The following SORL1 variants were observed in gnomAD, a reference collection of about 807,000 sequenced individuals.
SORL1 encodes the protein sortilin-related receptor.
SORL1 carries 127 observed loss-of-function variants against 273.7 expected under a neutral mutation model. The ratio of observed to expected loss-of-function variants is 0.46; its 90% CI spans 0.40 to 0.54. SORL1 has a LOEUF of 0.54. SORL1 is among the 20% of genes least tolerant of loss of function. SORL1 has a pLI of 0.00. For synonymous variants in SORL1, 1,031 were observed against 1,067.4 expected, an observed-to-expected ratio of 0.97 and a Z score of 0.66; for missense variants, 2,494 against 2,846.1, an observed-to-expected ratio of 0.88 and a Z score of 2.81.
chr11:121,524,316 TC>T (rs1296860603), intron 11 of SORL1, among the ~76,000 whole-genome samples: 1 of 152,240 alleles, frequency 6.6e-6, no homozygotes, highest in Non-Finnish European at 1.5e-5. Flanking sequence ...GCAAGTGATT[TC>T]CTTCTGGGTA....
intron 41 of SORL1, among the ~76,000 whole-genome samples, chr11:121,617,968 GC>G (rs1863664351): frequency 6.6e-6 from 1 of 152,200 alleles, no homozygotes; most frequent in South Asian, 2.1e-4. Context: ...GGGCACCTGA[GC>G]CCTGTCATCT....
chr11:121,618,978 A>C (rs1021545901), intron 42 of SORL1, 85 bp downstream of exon 42: 4 of 1,414,750 alleles, frequency 2.8e-6, no homozygotes, highest in Admixed American at 1.8e-5. Context: ...GGGAGCTTGC[A>C]TACCTGGACT....
intron 6 of SORL1, among the ~76,000 whole-genome samples, chr11:121,509,684 C>T (rs954022511): frequency 6.6e-6 from 1 of 152,062 alleles, no homozygotes; most frequent in African/African-American, 2.4e-5. Flanking sequence ...ACCATGTCGG[C>T]CAGGATGATC....
chr11:121,482,355 T>C (rs994661088), intron 3 of SORL1, among the ~76,000 whole-genome samples: 2 of 152,132 alleles, frequency 1.3e-5, no homozygotes, highest in African/African-American at 2.4e-5. Flanking sequence ...TAGATTCTCA[T>C]GGGTGGATAT....
At chr11:121,604,029 A>G (rs1243405838) in intron 32 of SORL1, among the ~76,000 whole-genome samples, 164 bp from the exon 33 acceptor site, 2 of 152,240 alleles carry the variant, frequency 1.3e-5, no homozygotes, top group African/African-American at 4.8e-5. Context: ...GTTAGATGAG[A>G]TGGCACCTTA....
At chr11:121,522,762 A>T in intron 10 of SORL1, 59 bp downstream of exon 10, 1 of 1,436,648 alleles carries the variant, frequency 7.0e-7, no homozygotes, top group Non-Finnish European at 9.8e-7. Flanking sequence ...TGCAGGCCAA[A>T]TGCAGAGCGA....
chr11:121,565,432 GTA>G (rs2134919490), intron 21 of SORL1, among the ~76,000 whole-genome samples: 1 of 152,286 alleles, frequency 6.6e-6, no homozygotes, highest in Non-Finnish European at 1.5e-5. Flanking sequence ...AAGCTACTGC[GTA>G]TATTATCCAT....
chr11:121,606,572 C>T (rs1418649520), intron 35 of SORL1, among the ~76,000 whole-genome samples: 9 of 152,182 alleles, frequency 5.9e-5, no homozygotes, highest in African/African-American at 1.9e-4. Context: ...GTGACTCAGC[C>T]TGCCCAAGTG....
chr11:121,545,301 T>C lies in SORL1; in HGVS notation c.1923T>C (p.Asn641=). The change falls in exon 14 of 48, where the codon AAT becomes AAC. Residue 641 remains asparagine (N), a synonymous_variant. Coordinates refer to ENST00000260197, the MANE Select transcript of SORL1 (RefSeq NM_003105.6). ...KLWSPSDERG[N]ECLLGHKTVF... ...GGTCACCATCTGATGAGCGGGGGAA[T>C]GAGTGTTTGCTGGGACACAAGACTG... is the stretch of plus-strand genomic sequence containing the variant. The C allele has an allele frequency of 6.2e-7, 1 of 1,614,032 alleles. No individual in the cohort carries two copies. The highest frequency in any genetic ancestry group is 8.5e-7 in the Non-Finnish European group (1 of 1,179,930).
At chr11:121,504,366 C>G (rs532172334) in intron 6 of SORL1, among the ~76,000 whole-genome samples, 2 of 152,004 alleles carry the variant, frequency 1.3e-5, no homozygotes, top group African/African-American at 4.8e-5. Context: ...GAGCTGAGAT[C>G]GTGCCACTGC....
chr11:121,580,302 T>A (rs979968150), intron 25 of SORL1, among the ~76,000 whole-genome samples: 1 of 152,178 alleles, frequency 6.6e-6, no homozygotes, highest in African/African-American at 2.4e-5. Flanking sequence ...TTCTCTTCCC[T>A]CCTGTTTTTA....
chr11:121,543,581 A>G lies in SORL1; in HGVS notation c.1719A>G (p.Thr573=), dbSNP rs1427028421. 1.9e-6 allele frequency: 3 copies of G among 1,614,114 alleles called. No homozygotes were observed. Among genetic ancestry groups the G allele is most frequent in the Non-Finnish European group, 2.5e-6 (3 of 1,179,938 alleles). The change falls in exon 13 of 48, where the codon ACA becomes ACG. Residue 573 remains threonine (T), a synonymous_variant. Coordinates refer to ENST00000260197, the MANE Select transcript of SORL1 (RefSeq NM_003105.6). ...YSTNEGETWK[T]FIFSEKPVFV... is the part of the protein sequence containing the mutation. ...CCAATGAAGGGGAGACCTGGAAAAC[A>G]TTCATCTTCTCTGAGAAGCCAGTGT...
At chr11:121,536,843 T>G (rs1323922259) in intron 12 of SORL1, among the ~76,000 whole-genome samples, 2 of 152,126 alleles carry the variant, frequency 1.3e-5, no homozygotes. Flanking sequence ...GGCAGAAAAG[T>G]AAGAGGTCTT....
chr11:121,488,036 T>C lies in SORL1; in HGVS notation c.533T>C (p.Ile178Thr), dbSNP rs756056519. 2 of 1,614,084 alleles carry C rather than the reference T, an allele frequency of 1.2e-6. No homozygotes were observed. Residue 178 changes from isoleucine (I) to threonine (T), a missense_variant, in exon 4 of 48, where the codon ATC (isoleucine) becomes ACC (threonine). Physicochemically the swap from Ile to Thr is moderately conservative, Grantham distance 89. Coordinates refer to ENST00000260197, the MANE Select transcript of SORL1 (RefSeq NM_003105.6). ...YHSPADNKRY[I>T]FADAYAQYLW... is the part of the protein sequence containing the mutation. ...CTTACCTGTTTTCCCTTGCAGTACA[T>C]CTTTGCAGACGCTTATGCCCAGTAC...
intron 1 of SORL1, among the ~76,000 whole-genome samples, chr11:121,461,850 G>A (rs1221701732): frequency 1.3e-5 from 2 of 152,196 alleles, no homozygotes; most frequent in African/African-American, 4.8e-5. Flanking sequence ...GAGCCGTTTT[G>A]TGAGGAATGG....
At position 121,554,973 on chromosome 11, in the gene SORL1, C is replaced by G. The variant is rs1284422588; in HGVS notation, c.2440-214C>G. 1.6e-5 allele frequency: 6 copies of G among 375,432 alleles called. No homozygotes were observed. Among genetic ancestry groups the G allele is most frequent in the Non-Finnish European group, 2.9e-5 (6 of 205,520 alleles). The allele number at this position is 375,432 out of a possible 1,614,324, so 23.3% of individuals were successfully genotyped here. A position where few individuals can be genotyped will look rare whatever the true frequency, so the allele number is the denominator to read the frequency against. The stretch of plus-strand genomic sequence containing the variant: ...GCAGAGTAATATATATGATTAAATT[C>G]TCTTTATTCTGCTTTAAAAAACAAA... On this transcript the variant is annotated intron_variant, in intron 17 of 47. Transcript: ENST00000260197. This position sits in a 1 kb window ranked among gnomAD's most constrained non-coding sequence, Gnocchi z 4.6.
intron 27 of SORL1, among the ~76,000 whole-genome samples, 178 bp downstream of exon 27, chr11:121,586,507 T>C (rs761253944): frequency 6.6e-6 from 1 of 151,700 alleles, no homozygotes; most frequent in Non-Finnish European, 1.5e-5. Flanking sequence ...AGAGACAGGG[T>C]TTGGTTAAAG....
At chr11:121,566,856 G>A (rs1862761418) in intron 21 of SORL1, 84 bp from the exon 22 acceptor site, 4 of 1,287,094 alleles carry the variant, frequency 3.1e-6, no homozygotes, top group African/African-American at 3.0e-5. Context: ...AAGACGAGGA[G>A]GTTGCAGTGG....
chr11:121,599,532 G>A (rs867786928), intron 32 of SORL1, among the ~76,000 whole-genome samples: 4 of 152,184 alleles, frequency 2.6e-5, no homozygotes, highest in East Asian at 1.9e-4. Flanking sequence ...CAACAAGAGC[G>A]AAACTGTCAA....
Sources: allele counts gnomAD v4.1 joint callset (sites outside exome capture counted in the v4.1 genomes callset), GRCh38; gene constraint gnomAD v4.1.1; non-coding constraint Gnocchi (gnomAD v3.1); transcripts MANE v1.5; gene names NCBI Gene and HGNC (gene_info 2026-07-23, HGNC 2026-07-21).